Variants in RNF213 observed in about 807,000 individuals in gnomAD.
RNF213 encodes the protein E3 ubiquitin-protein ligase RNF213.
In RNF213, 341 loss-of-function variants were observed where a neutral mutation model predicts 514.4. That is an observed-to-expected ratio of 0.66 (90% CI 0.61 to 0.73). RNF213 has a LOEUF of 0.73. Ranked by LOEUF, RNF213 falls within the 30% of genes least tolerant of loss-of-function variation. The pLI is 0.00. For synonymous variants in RNF213, 2,655 were observed against 2,658.2 expected (o/e 1.00, Z 0.04); for missense variants, 5,767 against 6,615.6 (o/e 0.87, Z 4.45).
At chr17:80,327,691 C>G in intron 18 of RNF213, 125 bp from the exon 19 acceptor site, 1 of 769,818 alleles carries the variant, frequency 1.3e-6, no homozygotes, top group East Asian at 2.7e-5. Context: ...GAGACACTGG[C>G]CAGCCATTGC....
At position 80,264,134 on chromosome 17, in the gene RNF213, C is replaced by T. The variant is rs1309279018; in HGVS notation, c.97+356C>T. 6.6e-6 allele frequency among the ~76,000 whole-genome samples: 1 copy of T among 152,174 alleles called. No homozygotes were observed. Among genetic ancestry groups the T allele is most frequent in the African/African-American group, 2.4e-5 (1 of 41,450 alleles). ...TTTGTCGGGGTCTTTGCTGGAGGTT[C>T]CTGCTTTTGAAAATTTTCAGTTTCA... On this transcript the variant is annotated intron_variant, in intron 2 of 67. Coordinates refer to ENST00000582970, the MANE Select transcript of RNF213 (RefSeq NM_001256071.3). The surrounding 1 kb of genome is among the most constrained non-coding windows in gnomAD (Gnocchi z 5.0).
At chr17:80,274,002 C>T (rs1217920598) in intron 3 of RNF213, among the ~76,000 whole-genome samples, 5 of 152,102 alleles carry the variant, frequency 3.3e-5, no homozygotes, top group South Asian at 4.1e-4. Context: ...GAGCTTCTGC[C>T]GTGTGTATCT....
intron 39 of RNF213, 74 bp downstream of exon 39, chr17:80,361,962 G>A (rs889193440): frequency 2.8e-5 from 43 of 1,523,078 alleles, no homozygotes; most frequent in Non-Finnish European, 3.6e-5. Flanking sequence ...ACACGGAGAC[G>A]TTTCCTCAGC....
At chr17:80,277,619 C>G (rs1168864637) in intron 3 of RNF213, among the ~76,000 whole-genome samples, 1 of 141,958 alleles carries the variant, frequency 7.0e-6, no homozygotes, top group Non-Finnish European at 1.5e-5. Context: ...AAAAAAAAAG[C>G]CTAAATATCC....
chr17:80,346,575 C>T lies in RNF213; in HGVS notation c.8240C>T (p.Ala2747Val). Residue 2747 changes from alanine (A) to valine (V), a missense_variant, in exon 29 of 68, where the codon GCC becomes GTC. Coordinates refer to ENST00000582970, the MANE Select transcript of RNF213 (RefSeq NM_001256071.3). This position sits in a 1 kb window ranked among gnomAD's most constrained non-coding sequence, Gnocchi z 8.1. The part of the protein sequence containing the change: ...PLRKTIAKNL[A>V]LKENVFMMVV... ...AGGAAAACCATCGCCAAGAACTTGG[C>T]CTTGAAGGAGAACGTCTTCATGATG... The T allele has an allele frequency of 6.2e-7, 1 of 1,613,308 alleles. No individual in the cohort carries two copies. The highest frequency in any genetic ancestry group is 8.5e-7 in the Non-Finnish European group (1 of 1,180,046).
At chr17:80,283,298 G>A (rs1382649512) in intron 3 of RNF213, among the ~76,000 whole-genome samples, 1 of 152,120 alleles carries the variant, frequency 6.6e-6, no homozygotes, top group Non-Finnish European at 1.5e-5. Context: ...AGCTGAGGGG[G>A]TGAGCCTGGG....
chr17:80,273,904 G>A (rs1172951221), intron 3 of RNF213, among the ~76,000 whole-genome samples: 1 of 151,996 alleles, frequency 6.6e-6, no homozygotes, highest in Non-Finnish European at 1.5e-5. Flanking sequence ...ACAGGTGTGA[G>A]CCACCGCGCC....
chr17:80,334,117 G>C lies in RNF213; in HGVS notation c.4156G>C (p.Asp1386His), dbSNP rs113139767. Residue 1386 changes from aspartate (D) to histidine (H), a missense_variant, in exon 22 of 68, where the codon GAC becomes CAC. Transcript: ENST00000582970. ...NTLLNFTDNF[D>H]DFRRETLDQI... ...CTTTTTCTTGCAGACTGATAACTTC[G>C]ACGACTTTCGCCGTGAAACACTGGA... 1 of 1,537,042 alleles carries C rather than the reference G, an allele frequency of 6.5e-7. No homozygotes were observed. The highest frequency in any genetic ancestry group is 8.7e-7 in the Non-Finnish European group (1 of 1,146,894).
At chr17:80,356,501 C>T (rs2078827816) in intron 36 of RNF213, among the ~76,000 whole-genome samples, 1 of 152,266 alleles carries the variant, frequency 6.6e-6, no homozygotes, top group African/African-American at 2.4e-5. Flanking sequence ...CCAGGGCCAG[C>T]AGCACCCTGA....
At position 80,288,396 on chromosome 17, in the gene RNF213, G is replaced by A; in HGVS notation, c.810+33G>A. 6.2e-7 allele frequency: 1 copy of A among 1,609,592 alleles called. No homozygotes were observed. The highest frequency in any genetic ancestry group is 8.5e-7 in the Non-Finnish European group (1 of 1,179,550). On this transcript the variant is annotated intron_variant, in intron 4 of 67. Coordinates refer to ENST00000582970, the MANE Select transcript of RNF213 (RefSeq NM_001256071.3). This position sits in a 1 kb window ranked among gnomAD's most constrained non-coding sequence, Gnocchi z 4.9. ...ATCCGGGAGAGATGGCCTGGGAGTG[G>A]CACTGAGCCCTCGGCACCTGGGCTC...
chr17:80,313,916 G>A (rs2045702553), intron 15 of RNF213, among the ~76,000 whole-genome samples: 1 of 7,044 alleles, frequency 1.4e-4, no homozygotes, highest in Non-Finnish European at 2.7e-4. Context: ...TGGTGGTGAT[G>A]GTGGAGGTGG....
In RNF213 at chr17:80,396,164, A is replaced by C. The variant is rs565161982; in HGVS notation, c.*2666A>C. ...GTAATCCCAGCTACCTGGGAGGCTG[A>C]GGTATGAGGATTGCTTGAGCCTGGG... On this transcript the variant is annotated 3_prime_UTR_variant, in exon 68 of 68. Coordinates refer to ENST00000582970, the MANE Select transcript of RNF213 (RefSeq NM_001256071.3). 1.3e-5 allele frequency: 2 copies of C among 152,176 alleles called. No homozygotes were observed. The highest frequency in any genetic ancestry group is 2.9e-5 in the Non-Finnish European group (2 of 68,042). The allele number at this position is 152,176 out of a possible 1,614,324, so 9.4% of individuals were successfully genotyped here. A position where few individuals can be genotyped will look rare whatever the true frequency, so the allele number is the denominator to read the frequency against.
At chr17:80,282,561 G>A (rs1332866717) in intron 3 of RNF213, among the ~76,000 whole-genome samples, 3 of 151,982 alleles carry the variant, frequency 2.0e-5, no homozygotes, top group African/African-American at 7.2e-5. Context: ...ACCACGCCCA[G>A]CCAATTTTTT....
At chr17:80,336,831 G>A in intron 23 of RNF213, 1 of 317,318 alleles carries the variant, frequency 3.2e-6, no homozygotes, top group Non-Finnish European at 6.1e-6. Flanking sequence ...AACCCGGGAG[G>A]CAGAGATAGC....
rs1197062198 is a variant in RNF213, at chr17:80,368,067, T to G, written c.12079T>G (p.Ser4027Ala). Residue 4027 changes from serine (S) to alanine (A), a missense_variant, in exon 44 of 68, where the codon TCA becomes GCA. Ser to Ala is a moderately conservative substitution (Grantham distance 99, BLOSUM62 1). Coordinates refer to ENST00000582970, the MANE Select transcript of RNF213 (RefSeq NM_001256071.3). The part of the protein sequence containing the change: ...CLRCLRAWFA[S>A]EQMICPYCLT... ...GCGCTGCCTCAGGGCCTGGTTTGCC[T>G]CAGAGCAGATGATATGCCCCTACTG... 6.2e-7 allele frequency: 1 copy of G among 1,614,240 alleles called. No homozygotes were observed. Among genetic ancestry groups the G allele is most frequent in the Non-Finnish European group, 8.5e-7 (1 of 1,180,048 alleles).
chr17:80,324,252 G>A (rs1303441314), intron 17 of RNF213, among the ~76,000 whole-genome samples: 1 of 152,100 alleles, frequency 6.6e-6, no homozygotes, highest in Non-Finnish European at 1.5e-5. Context: ...ATCAGTTTGT[G>A]GAAGTTCCTT....
At chr17:80,369,910 T>A in intron 46 of RNF213, 43 bp downstream of exon 46, 1 of 1,334,908 alleles carries the variant, frequency 7.5e-7, no homozygotes, top group Non-Finnish European at 1.1e-6. Context: ...GCCCTGGCTT[T>A]TTCTCTTCAT....
At position 80,317,028 on chromosome 17, in the gene RNF213, C is replaced by G. The variant is rs1171608782; in HGVS notation, c.2812-160C>G. ...CAACCTGGGCTGCTGTGACCGGCCA[C>G]TAGCATGGCTGACTGTTGATGAAGG... is the stretch of plus-strand genomic sequence containing the variant. On this transcript the variant is annotated intron_variant, in intron 15 of 67. Coordinates refer to ENST00000582970, the MANE Select transcript of RNF213 (RefSeq NM_001256071.3). The surrounding 1 kb of genome is among the most constrained non-coding windows in gnomAD (Gnocchi z 4.1). Among the ~76,000 whole-genome samples, 1 of 152,270 alleles carries G rather than the reference C, an allele frequency of 6.6e-6. No individual in the cohort carries two copies. Among genetic ancestry groups the G allele is most frequent in the Admixed American group, 6.5e-5 (1 of 15,290 alleles).
At chr17:80,296,399 C>T (rs548223475) in intron 10 of RNF213, among the ~76,000 whole-genome samples, 2 of 152,174 alleles carry the variant, frequency 1.3e-5, no homozygotes, top group Admixed American at 6.5e-5. Flanking sequence ...TGTGGCGTGA[C>T]GCCAGCCTGA....
Sources: gnomAD v4.1 joint callset for allele counts (sites outside exome capture counted in the v4.1 genomes callset) on GRCh38, gnomAD v4.1.1 for gene constraint, Gnocchi (gnomAD v3.1) non-coding constraint, MANE v1.5 for transcripts, NCBI Gene and HGNC (gene_info 2026-07-23, HGNC 2026-07-21) for gene names.